FHIT: variants seen among roughly 807,000 people sequenced by gnomAD.
FHIT encodes fragile histidine triad diadenosine triphosphatase, also known as bis(5'-adenosyl)-triphosphatase.
FHIT carries 19 observed loss-of-function variants against 17.9 expected under a neutral mutation model. The ratio of observed to expected loss-of-function variants is 1.06; its 90% confidence interval spans 0.74 to 1.56. FHIT has a LOEUF of 1.56. Among genes scored for constraint, FHIT ranks in the 40% most tolerant of loss-of-function variants. The pLI is 0.00. For missense variants in FHIT, 248 were observed against 189.2 expected, an observed-to-expected ratio of 1.31 and a Z score of -1.82; for synonymous variants, 81 against 69.7, an observed-to-expected ratio of 1.16 and a Z score of -0.81.
At chr3:60,839,414 G>A (rs1702642811) in intron 3 of FHIT, among the ~76,000 whole-genome samples, 1 of 152,140 alleles carries the variant, frequency 6.6e-6, no homozygotes, top group Non-Finnish European at 1.5e-5. Flanking sequence ...TGACCAGTGA[G>A]TGAAGCAGCA....
At chr3:60,794,952 T>C (rs1159961764) in intron 4 of FHIT, among the ~76,000 whole-genome samples, 1 of 152,262 alleles carries the variant, frequency 6.6e-6, no homozygotes, top group Non-Finnish European at 1.5e-5. Context: ...AAAGTATCTC[T>C]ACCTGTCTTC....
chr3:60,519,803 A>C (rs939748433), intron 5 of FHIT, among the ~76,000 whole-genome samples: 15 of 152,132 alleles, frequency 9.9e-5, no homozygotes, highest in African/African-American at 3.6e-4. Context: ...CCTTCATGTT[A>C]GTCCCATGGT....
At chr3:60,576,589 A>G (rs2037572955) in intron 4 of FHIT, among the ~76,000 whole-genome samples, 1 of 152,182 alleles carries the variant, frequency 6.6e-6, no homozygotes, top group Non-Finnish European at 1.5e-5. Flanking sequence ...ACACAATTCC[A>G]TGACGTTAAT....
chr3:59,939,117 A>G (rs17061517), intron 7 of FHIT, among the ~76,000 whole-genome samples: 22,094 of 152,250 alleles, frequency 0.15, 2,177 homozygotes, highest in East Asian at 0.5. Context: ...CATTTTTCTC[A>G]TAATATACTC....
At chr3:60,524,103 T>C (rs1666439795) in intron 5 of FHIT, among the ~76,000 whole-genome samples, 1 of 152,132 alleles carries the variant, frequency 6.6e-6, no homozygotes, top group African/African-American at 2.4e-5. Context: ...ACACCTCCTA[T>C]GAGCCTGGCC....
At chr3:60,617,236 A>G (rs1170215015) in intron 4 of FHIT, 1 of 167,980 alleles carries the variant, frequency 6.0e-6, no homozygotes, top group Non-Finnish European at 1.3e-5. Flanking sequence ...AAGGATTATG[A>G]TATCAGATCT....
chr3:60,756,580 A>G (rs1399738013), intron 4 of FHIT, among the ~76,000 whole-genome samples: 2 of 152,176 alleles, frequency 1.3e-5, no homozygotes, highest in African/African-American at 4.8e-5. Context: ...TGGGTTGGGG[A>G]GACGGTATTG....
At chr3:59,862,672 A>T (rs1702460034) in intron 8 of FHIT, among the ~76,000 whole-genome samples, 1 of 152,224 alleles carries the variant, frequency 6.6e-6, no homozygotes, top group Admixed American at 6.5e-5. Flanking sequence ...TTTGAAGGCA[A>T]GTAGTTGATT....
chr3:59,917,971 T>A (rs755785158), intron 8 of FHIT, among the ~76,000 whole-genome samples: 2 of 152,204 alleles, frequency 1.3e-5, no homozygotes, highest in South Asian at 2.1e-4. Context: ...AGGTTTATAA[T>A]TGCTTCCGCT....
At chr3:60,800,831 G>A (rs556214705) in intron 4 of FHIT, among the ~76,000 whole-genome samples, 1 of 152,228 alleles carries the variant, frequency 6.6e-6, no homozygotes, top group African/African-American at 2.4e-5. Flanking sequence ...TTAGTCCTTG[G>A]CTGTGGACTG....
At chr3:59,979,722 G>T (rs1708568336) in intron 7 of FHIT, among the ~76,000 whole-genome samples, 2 of 152,102 alleles carry the variant, frequency 1.3e-5, no homozygotes, top group African/African-American at 4.8e-5. Flanking sequence ...TAAATAAGAA[G>T]GGGTTTGGTC....
At chr3:60,304,107 G>C (rs1390730897) in intron 5 of FHIT, among the ~76,000 whole-genome samples, 1 of 152,032 alleles carries the variant, frequency 6.6e-6, no homozygotes, top group African/African-American at 2.4e-5. Flanking sequence ...AGATGTTCTA[G>C]AGCATGCCTG....
intron 3 of FHIT, among the ~76,000 whole-genome samples, chr3:60,949,509 C>A (rs1322727067): frequency 1.3e-5 from 2 of 152,156 alleles, no homozygotes; most frequent in Non-Finnish European, 2.9e-5. Context: ...CTTAACCAGA[C>A]CTGAAAAAGA....
chr3:59,842,691 G>A (rs536989786), intron 8 of FHIT, among the ~76,000 whole-genome samples: 1 of 151,942 alleles, frequency 6.6e-6, no homozygotes, highest in South Asian at 2.1e-4. Flanking sequence ...ACTGTTTATT[G>A]GACACTTGTA....
At chr3:60,041,898 T>C (rs1251103341) in intron 5 of FHIT, among the ~76,000 whole-genome samples, 1 of 152,244 alleles carries the variant, frequency 6.6e-6, no homozygotes, top group Non-Finnish European at 1.5e-5. Flanking sequence ...AATATCTCAA[T>C]TTATCCCTTC....
At chr3:59,957,060 G>A (rs1179208812) in intron 7 of FHIT, among the ~76,000 whole-genome samples, 1 of 152,182 alleles carries the variant, frequency 6.6e-6, no homozygotes, top group African/African-American at 2.4e-5. Flanking sequence ...CTGGAAACCT[G>A]GCAGAGGAGC....
At chr3:60,931,551 A>T (rs1553771805) in intron 3 of FHIT, among the ~76,000 whole-genome samples, 1 of 152,084 alleles carries the variant, frequency 6.6e-6, no homozygotes, top group African/African-American at 2.4e-5. Flanking sequence ...TAAGCAAAGG[A>T]AAATGAAGCG....
At chr3:60,587,957 CTT>C (rs143677265) in intron 4 of FHIT, among the ~76,000 whole-genome samples, 2 of 149,186 alleles carry the variant, frequency 1.3e-5, no homozygotes, top group African/African-American at 4.9e-5. Context: ...GCCCCTTCTC[CTT>C]TTTTTTTTCC....
intron 5 of FHIT, among the ~76,000 whole-genome samples, chr3:60,268,487 C>T (rs1160622740): frequency 2.6e-5 from 4 of 152,152 alleles, no homozygotes; most frequent in African/African-American, 9.7e-5. Flanking sequence ...GGCAACATGA[C>T]TTGGGACTGG....
Sources: allele counts gnomAD v4.1 joint callset (sites outside exome capture counted in the v4.1 genomes callset), GRCh38; gene constraint gnomAD v4.1.1; transcripts MANE v1.5; gene names NCBI Gene and HGNC (gene_info 2026-07-23, HGNC 2026-07-21).